Variants in GRIA1 observed in about 807,000 individuals in gnomAD.
GRIA1 encodes glutamate receptor 1.
Under a neutral mutation model 99.2 loss-of-function variants are expected in GRIA1, and 31 were observed. That is an observed-to-expected ratio of 0.31 (90% confidence interval 0.23 to 0.42). The LOEUF is 0.42. GRIA1 is among the 10% of genes least tolerant of loss of function. GRIA1 has a pLI of 1.00. For synonymous variants in GRIA1, 438 were observed against 432.4 expected, an observed-to-expected ratio of 1.01 and a Z score of -0.16; for missense variants, 782 against 1,157.5, an observed-to-expected ratio of 0.68 and a Z score of 4.71.
chr5:153,493,856 T>A, intron 1 of GRIA1, 72 bp from the exon 2 acceptor site: 1 of 1,487,470 alleles, frequency 6.7e-7, no homozygotes, highest in African/African-American at 1.4e-5. Flanking sequence ...AAAGGACTCA[T>A]CTGGAGTGAG....
At chr5:153,607,068 T>TATATATATATATATATAA (rs1491415058) in intron 2 of GRIA1, among the ~76,000 whole-genome samples, 3,360 of 139,942 alleles carry the variant, frequency 0.024, 100 homozygotes, top group Non-Finnish European at 0.033. Flanking sequence ...TATATATATA[T>TATATATATATATATATAA]AATCACAGTT....
At chr5:153,788,051 G>T (rs915290720) in intron 13 of GRIA1, among the ~76,000 whole-genome samples, 3 of 151,392 alleles carry the variant, frequency 2.0e-5, no homozygotes, top group Non-Finnish European at 4.4e-5. Flanking sequence ...CTGCACTCCA[G>T]CCTGGGCGAC....
At chr5:153,692,483 T>A (rs1757833297) in intron 8 of GRIA1, among the ~76,000 whole-genome samples, 1 of 152,188 alleles carries the variant, frequency 6.6e-6, no homozygotes, top group South Asian at 2.1e-4. Context: ...AAAATTTCAG[T>A]GCCCATAAAG....
At chr5:153,785,168 G>T (rs991584456) in intron 13 of GRIA1, among the ~76,000 whole-genome samples, 1 of 152,116 alleles carries the variant, frequency 6.6e-6, no homozygotes, top group African/African-American at 2.4e-5. Flanking sequence ...CTTCACAGAG[G>T]GAGAACTGTG....
chr5:153,616,184 C>G (rs542475786), intron 2 of GRIA1, among the ~76,000 whole-genome samples: 1 of 152,312 alleles, frequency 6.6e-6, no homozygotes, highest in South Asian at 2.1e-4. Flanking sequence ...CCATCCCTCA[C>G]CTGCCACAAT....
chr5:153,784,507 C>A (rs569079862), intron 13 of GRIA1, among the ~76,000 whole-genome samples: 57 of 152,276 alleles, frequency 3.7e-4, no homozygotes, highest in African/African-American at 1.4e-3. Flanking sequence ...CTCATAAGAT[C>A]GCAGAACTCT....
intron 13 of GRIA1, among the ~76,000 whole-genome samples, chr5:153,790,554 C>A (rs1186583127): frequency 6.6e-6 from 1 of 152,100 alleles, no homozygotes; most frequent in African/African-American, 2.4e-5. Context: ...ACTGCTTGCC[C>A]AAGACAAAGT....
chr5:153,718,742 A>G (rs1232795564), intron 11 of GRIA1, among the ~76,000 whole-genome samples: 2 of 152,048 alleles, frequency 1.3e-5, no homozygotes, highest in African/African-American at 4.8e-5. Context: ...CCAATCATTT[A>G]TTCCCTGCTA....
chr5:153,649,577 C>T (rs1309114400), intron 3 of GRIA1, among the ~76,000 whole-genome samples: 2 of 152,160 alleles, frequency 1.3e-5, no homozygotes, highest in Non-Finnish European at 2.9e-5. Flanking sequence ...CCTGCCTCAG[C>T]CTACCAGGTA....
chr5:153,544,855 A>G (rs1307703383), intron 2 of GRIA1, among the ~76,000 whole-genome samples: 1 of 152,216 alleles, frequency 6.6e-6, no homozygotes, highest in Non-Finnish European at 1.5e-5. Context: ...ACTGAAAAAT[A>G]TGGCTTCTCC....
At chr5:153,712,947 C>T (rs1362428367) in intron 11 of GRIA1, among the ~76,000 whole-genome samples, 1 of 152,186 alleles carries the variant, frequency 6.6e-6, no homozygotes, top group Non-Finnish European at 1.5e-5. Flanking sequence ...CAAGCCTCCC[C>T]ACCCACTTCT....
intron 6 of GRIA1, among the ~76,000 whole-genome samples, chr5:153,676,653 T>A (rs1756606791): frequency 6.6e-6 from 1 of 152,162 alleles, no homozygotes; most frequent in Non-Finnish European, 1.5e-5. Flanking sequence ...AATCTATGCA[T>A]TTTTTCCCAA....
At chr5:153,767,912 T>G (rs1042622479) in intron 12 of GRIA1, among the ~76,000 whole-genome samples, 1 of 152,202 alleles carries the variant, frequency 6.6e-6, no homozygotes, top group Non-Finnish European at 1.5e-5. Context: ...CCCAAGTGTC[T>G]GTGTGCACAG....
chr5:153,529,335 A>G (rs1757888732), intron 2 of GRIA1, among the ~76,000 whole-genome samples: 1 of 152,030 alleles, frequency 6.6e-6, no homozygotes, highest in African/African-American at 2.4e-5. Flanking sequence ...AGGACCTCAG[A>G]CTCCTGGGTT....
intron 1 of GRIA1, among the ~76,000 whole-genome samples, chr5:153,492,759 C>T (rs775012375): frequency 6.6e-6 from 1 of 151,294 alleles, no homozygotes; most frequent in Non-Finnish European, 1.5e-5. Flanking sequence ...CTTGGTTGTT[C>T]AACTGATAAA....
chr5:153,500,796 C>A (rs1323243050), intron 2 of GRIA1, among the ~76,000 whole-genome samples: 1 of 151,926 alleles, frequency 6.6e-6, no homozygotes, highest in Non-Finnish European at 1.5e-5. Context: ...CACACACACC[C>A]CACACACCTT....
chr5:153,541,906 G>A (rs1355214128), intron 2 of GRIA1, among the ~76,000 whole-genome samples: 3 of 137,690 alleles, frequency 2.2e-5, no homozygotes, highest in African/African-American at 7.9e-5. Context: ...CACCAGCCGG[G>A]TGACAGAACG....
chr5:153,651,079 G>A (rs1032467818), intron 4 of GRIA1, among the ~76,000 whole-genome samples: 7 of 151,534 alleles, frequency 4.6e-5, no homozygotes, highest in East Asian at 1.9e-4. Context: ...ACTCCATCTC[G>A]AAAAATAATA....
chr5:153,669,609 T>C (rs1756003958), intron 5 of GRIA1, among the ~76,000 whole-genome samples: 1 of 152,226 alleles, frequency 6.6e-6, no homozygotes, highest in African/African-American at 2.4e-5. Context: ...TTTTTATTTT[T>C]TAATAGTATT....
Sources: gnomAD v4.1 joint callset for allele counts (sites outside exome capture counted in the v4.1 genomes callset) on GRCh38, gnomAD v4.1.1 for gene constraint, MANE v1.5 for transcripts, NCBI Gene and HGNC (gene_info 2026-07-23, HGNC 2026-07-21) for gene names.